The following NEGR1 variants were observed in gnomAD, a reference collection of about 807,000 sequenced individuals.
The protein encoded by NEGR1 is neuronal growth regulator 1, also known as IgLON family member 4.
A neutral mutation model predicts 40.9 loss-of-function variants in NEGR1; 10 were observed. The observed-to-expected ratio is 0.24, with a 90% CI of 0.15 to 0.42. NEGR1 has a LOEUF of 0.42. Among genes scored for constraint, NEGR1 ranks in the 10% least tolerant of loss-of-function variants. The probability of loss-of-function intolerance (pLI) is 1.00; values close to 1 mark genes in which losing one functional copy is unlikely to be tolerated. For synonymous variants in NEGR1, 185 were observed against 166.8 expected (o/e 1.11, Z -0.84); for missense variants, 352 against 438.9 (o/e 0.80, Z 1.77).
At chr1:72,062,383 C>T (rs1647192999) in intron 1 of NEGR1, among the ~76,000 whole-genome samples, 1 of 151,852 alleles carries the variant, frequency 6.6e-6, no homozygotes, top group Non-Finnish European at 1.5e-5. Flanking sequence ...GGGTGCCTAC[C>T]ACACACAATA....
chr1:72,267,477 G>A (rs1048173990), intron 1 of NEGR1, among the ~76,000 whole-genome samples: 5 of 151,098 alleles, frequency 3.3e-5, no homozygotes, highest in East Asian at 1.9e-4. Flanking sequence ...TAGATAATAC[G>A]GAAAAGTCCA....
At chr1:72,266,004 A>T (rs1655626226) in intron 1 of NEGR1, among the ~76,000 whole-genome samples, 1 of 150,936 alleles carries the variant, frequency 6.6e-6, no homozygotes, top group Non-Finnish European at 1.5e-5. Flanking sequence ...ATAGCATTAA[A>T]TTTTTAAAAT....
At chr1:72,268,899 C>T (rs1215715858) in intron 1 of NEGR1, among the ~76,000 whole-genome samples, 3 of 145,312 alleles carry the variant, frequency 2.1e-5, no homozygotes, top group Admixed American at 6.7e-5. Context: ...GGTTTGAAAG[C>T]CTTTTTTAAC....
At chr1:71,689,264 C>T (rs1653170513) in intron 4 of NEGR1, among the ~76,000 whole-genome samples, 1 of 152,216 alleles carries the variant, frequency 6.6e-6, no homozygotes, top group South Asian at 2.1e-4. Flanking sequence ...TGGCTTTATA[C>T]CTTTGCTCCC....
intron 3 of NEGR1, among the ~76,000 whole-genome samples, chr1:71,772,207 A>G (rs1336140324): frequency 6.6e-6 from 1 of 152,008 alleles, no homozygotes; most frequent in Non-Finnish European, 1.5e-5. Flanking sequence ...ATTCTATTTA[A>G]AAAGGGGTCA....
chr1:71,683,015 T>C (rs1053753846), intron 4 of NEGR1, among the ~76,000 whole-genome samples: 2 of 232 alleles, frequency 8.6e-3, no homozygotes, highest in African/African-American at 0.013. Context: ...CAAATAAACT[T>C]TTTTTCTTTC....
chr1:71,802,041 C>G (rs1306910488), intron 2 of NEGR1, among the ~76,000 whole-genome samples: 1 of 152,080 alleles, frequency 6.6e-6, no homozygotes, highest in Non-Finnish European at 1.5e-5. Context: ...GTGGCAAATA[C>G]TTGGCTGAAT....
At chr1:71,790,913 G>C (rs1343109835) in intron 2 of NEGR1, among the ~76,000 whole-genome samples, 1 of 151,906 alleles carries the variant, frequency 6.6e-6, no homozygotes, top group Non-Finnish European at 1.5e-5. Flanking sequence ...ATCTGAGGGA[G>C]GTTAAGTGAT....
chr1:71,600,453 G>C (rs540154746), intron 5 of NEGR1, among the ~76,000 whole-genome samples: 1 of 152,246 alleles, frequency 6.6e-6, no homozygotes, highest in East Asian at 1.9e-4. Context: ...AAAAAATCTC[G>C]TTGTGGTAGC....
intron 6 of NEGR1, among the ~76,000 whole-genome samples, chr1:71,580,764 T>TA (rs1649110284): frequency 6.6e-6 from 1 of 152,160 alleles, no homozygotes; most frequent in South Asian, 2.1e-4. Flanking sequence ...AGCTAGGTGT[T>TA]ACTCCTTTAA....
intron 2 of NEGR1, among the ~76,000 whole-genome samples, chr1:71,873,814 T>A (rs1163157511): frequency 6.6e-6 from 1 of 152,148 alleles, no homozygotes; most frequent in East Asian, 1.9e-4. Flanking sequence ...AGCATTTGGA[T>A]GTGGTTGAAT....
intron 1 of NEGR1, among the ~76,000 whole-genome samples, chr1:72,250,048 A>C (rs1332897870): frequency 6.6e-6 from 1 of 152,182 alleles, no homozygotes; most frequent in Non-Finnish European, 1.5e-5. Flanking sequence ...TTAACATTTA[A>C]ATCAATAAAA....
At chr1:71,598,919 T>C (rs1044613969) in intron 5 of NEGR1, among the ~76,000 whole-genome samples, 3 of 152,234 alleles carry the variant, frequency 2.0e-5, no homozygotes, top group Admixed American at 1.3e-4. Flanking sequence ...AATATCCATC[T>C]TCCTCATTAG....
intron 1 of NEGR1, among the ~76,000 whole-genome samples, chr1:72,186,550 T>C (rs1036270653): frequency 2.0e-5 from 3 of 151,536 alleles, no homozygotes; most frequent in East Asian, 1.9e-4. Flanking sequence ...TTACTAGATA[T>C]AAAACAGAAA....
intron 6 of NEGR1, among the ~76,000 whole-genome samples, chr1:71,499,520 T>A (rs1398612539): frequency 6.7e-6 from 1 of 148,166 alleles, no homozygotes; most frequent in Non-Finnish European, 1.5e-5. Context: ...ATATTATTAT[T>A]ATATATATAT....
At chr1:71,842,819 A>G (rs979401654) in intron 2 of NEGR1, among the ~76,000 whole-genome samples, 1 of 152,186 alleles carries the variant, frequency 6.6e-6, no homozygotes, top group Non-Finnish European at 1.5e-5. Flanking sequence ...ATCTTAACTT[A>G]GCAAGCTCTG....
intron 6 of NEGR1, among the ~76,000 whole-genome samples, chr1:71,497,479 C>G (rs1303164259): frequency 2.6e-5 from 4 of 151,530 alleles, no homozygotes; most frequent in Non-Finnish European, 4.4e-5. Flanking sequence ...ATTTAAGGAG[C>G]TTTTTGAAAC....
chr1:71,423,049 C>T (rs1193380406), intron 6 of NEGR1: 3 of 151,946 alleles, frequency 2.0e-5, no homozygotes, highest in Admixed American at 6.6e-5. Flanking sequence ...TCTGTAAATA[C>T]AGTTTATTTC....
intron 1 of NEGR1, among the ~76,000 whole-genome samples, chr1:71,996,067 C>T (rs1048433943): frequency 6.6e-6 from 1 of 152,050 alleles, no homozygotes; most frequent in Non-Finnish European, 1.5e-5. Context: ...ATAGTACACA[C>T]CACATTGGAA....
Sources: gnomAD v4.1 joint callset for allele counts (sites outside exome capture counted in the v4.1 genomes callset) on GRCh38, gnomAD v4.1.1 for gene constraint, MANE v1.5 for transcripts, NCBI Gene and HGNC (gene_info 2026-07-23, HGNC 2026-07-21) for gene names.